The following NSMAF variants were observed in gnomAD, a reference collection of about 807,000 sequenced individuals.
NSMAF encodes the protein neutral sphingomyelinase activation associated factor.
A neutral mutation model predicts 134.9 loss-of-function variants in NSMAF; 90 were observed. The ratio of observed to expected loss-of-function variants is 0.67; its 90% CI spans 0.56 to 0.79. The LOEUF is 0.79. Among genes scored for constraint, NSMAF ranks in the 30% least tolerant of loss-of-function variants. The probability of loss-of-function intolerance (pLI) is 0.00; values close to 1 mark genes in which losing one functional copy is unlikely to be tolerated. For missense variants in NSMAF, 1,010 were observed against 1,119.0 expected, an observed-to-expected ratio of 0.90 and a Z score of 1.39; for synonymous variants, 358 against 389.6, an observed-to-expected ratio of 0.92 and a Z score of 0.96.
chr8:58,640,529 T>C (rs1807310932), intron 2 of NSMAF, among the ~76,000 whole-genome samples: 2 of 150,370 alleles, frequency 1.3e-5, no homozygotes, highest in Admixed American at 6.6e-5. Flanking sequence ...ACTAATAGTA[T>C]ACTAATAACA....
chr8:58,604,557 A>AAC (rs1554574192), intron 12 of NSMAF, among the ~76,000 whole-genome samples: 1 of 146,720 alleles, frequency 6.8e-6, no homozygotes, highest in Non-Finnish European at 1.5e-5. Flanking sequence ...AGATATATAT[A>AAC]ATATATATAT....
intron 6 of NSMAF, among the ~76,000 whole-genome samples, chr8:58,627,866 C>T (rs920094141): frequency 3.9e-5 from 6 of 151,960 alleles, no homozygotes; most frequent in South Asian, 2.1e-4. Flanking sequence ...ATCAAAATAC[C>T]TTTGTCAATC....
intron 6 of NSMAF, among the ~76,000 whole-genome samples, chr8:58,624,610 A>G (rs1227901561): frequency 6.6e-6 from 1 of 152,070 alleles, no homozygotes; most frequent in Non-Finnish European, 1.5e-5. Flanking sequence ...TTGGAAAAAT[A>G]TACACAATAT....
intron 9 of NSMAF, among the ~76,000 whole-genome samples, chr8:58,616,031 G>A (rs959843519): frequency 4.6e-5 from 7 of 152,066 alleles, no homozygotes; most frequent in African/African-American, 1.4e-4. Flanking sequence ...ATATCAATAC[G>A]TCTGACAATT....
In NSMAF at chr8:58,597,560, A is replaced by G. The variant is rs374183809; in HGVS notation, c.1629-10T>C. 7.4e-6 allele frequency: 12 copies of G among 1,613,616 alleles called. No homozygotes were observed. Among genetic ancestry groups the G allele is most frequent in the African/African-American group, 6.7e-5 (5 of 75,034 alleles). On this transcript the variant is annotated splice_polypyrimidine_tract_variant and intron_variant, in intron 20 of 30. Coordinates refer to ENST00000038176, the MANE Select transcript of NSMAF (RefSeq NM_003580.4). ...ATCAGGATCCTGGATGCTTTGGGAC[A>G]GAACACAAATAATGCAGTGAACCAC...
chr8:58,608,829 T>C (rs1806463156), intron 10 of NSMAF, among the ~76,000 whole-genome samples: 1 of 152,196 alleles, frequency 6.6e-6, no homozygotes, highest in South Asian at 2.1e-4. Context: ...ATGACCAGCC[T>C]GGAGAATTTC....
chr8:58,625,887 CAT>C (rs1806917693), intron 6 of NSMAF, among the ~76,000 whole-genome samples: 1 of 151,982 alleles, frequency 6.6e-6, no homozygotes, highest in Non-Finnish European at 1.5e-5. Context: ...TTTATCATGA[CAT>C]AGTTTGATTT....
In NSMAF at chr8:58,602,113, C is replaced by T. The variant is rs1412569679; in HGVS notation, c.1070G>A (p.Arg357Gln). The change falls in exon 14 of 31, where the codon CGG (arginine) becomes CAG (glutamine). Residue 357 changes from arginine to glutamine, a missense_variant. Transcript: ENST00000038176. ...GGCCCCTACTGGCTTACTGAGATCCCGGAAGGTTCCTGGATTTGACAAATC... is the reference window on the plus strand; with the variant it reads ...GGCCCCTACTGGCTTACTGAGATCCTGGAAGGTTCCTGGATTTGACAAATC... Reference protein sequence around the residue: ...ELDLSNPGTFRDLSKPVGALN... With the variant: ...ELDLSNPGTFQDLSKPVGALN... 1.2e-5 allele frequency: 20 copies of T among 1,613,182 alleles called. No individual in the cohort carries two copies. The highest frequency in any genetic ancestry group is 1.6e-4 in the Middle Eastern group (1 of 6,084).
At chr8:58,644,950 G>A (rs376018961) in intron 1 of NSMAF, among the ~76,000 whole-genome samples, 13 of 152,086 alleles carry the variant, frequency 8.5e-5, no homozygotes, top group African/African-American at 1.9e-4. Flanking sequence ...CATCACACAC[G>A]GGGACCTGTT....
Position 58,601,321 on chromosome 8 carries a change from T to C in NSMAF, c.1244A>G (p.Asn415Ser). 1 of 1,614,018 alleles carries C rather than the reference T, an allele frequency of 6.2e-7. No individual in the cohort carries two copies. The highest frequency in any genetic ancestry group is 8.5e-7 in the Non-Finnish European group (1 of 1,179,948). Residue 415 changes from asparagine to serine, a missense_variant, in exon 16 of 31, where the codon AAT becomes AGT. By Grantham distance (46) the Asn-to-Ser change is conservative. Transcript: ENST00000038176. ...TCTATCTGCATTATCAAATCTTCCATTCTGCAGGCACAGCATATACTCTGG... is the reference window on the plus strand; with the variant it reads ...TCTATCTGCATTATCAAATCTTCCACTCTGCAGGCACAGCATATACTCTGG... ...IAPEYMLCLQ[N>S]GRFDNADRMF...
chr8:58,644,280 T>C (rs976174982), intron 1 of NSMAF, among the ~76,000 whole-genome samples: 31 of 152,146 alleles, frequency 2.0e-4, no homozygotes, highest in African/African-American at 7.5e-4. Flanking sequence ...ACCCACAGGC[T>C]AAAGCAAATT....
intron 6 of NSMAF, among the ~76,000 whole-genome samples, chr8:58,627,234 T>C (rs1054673538): frequency 5.9e-5 from 9 of 152,224 alleles, no homozygotes; most frequent in Non-Finnish European, 1.3e-4. Flanking sequence ...TTTATTTATT[T>C]TTGTTTTTGT....
rs147275100 is a variant in NSMAF, at chr8:58,623,569, T to G, written c.456+140A>C. The stretch of plus-strand genomic sequence containing the variant: ...CTATGGCTTCTTCCTAATATATAGT[T>G]TTTAAACTCAACATTTTAAGTCAAT... On this transcript the variant is annotated intron_variant, in intron 7 of 30. Transcript: ENST00000038176. 113 of 1,072,696 alleles carry G rather than the reference T, an allele frequency of 1.1e-4. No homozygotes were observed. In the African/African-American group the frequency reaches 1.6e-3, roughly 15 times the overall value. 66.4% of individuals were successfully genotyped at this position (1,072,696 alleles called of 1,614,324 possible).
intron 9 of NSMAF, among the ~76,000 whole-genome samples, chr8:58,612,640 AGG>A (rs564282122): frequency 6.6e-6 from 1 of 152,156 alleles, no homozygotes; most frequent in South Asian, 2.1e-4. Context: ...ATCGGAGGTG[AGG>A]GGGGCAGCCT....
intron 6 of NSMAF, among the ~76,000 whole-genome samples, chr8:58,624,141 A>C (rs1806860054): frequency 6.8e-6 from 1 of 146,340 alleles, no homozygotes; most frequent in South Asian, 2.1e-4. Context: ...TCCTGGGTTC[A>C]AGTGATTCTC....
chr8:58,627,637 C>T (rs1806965415), intron 6 of NSMAF, among the ~76,000 whole-genome samples: 1 of 152,088 alleles, frequency 6.6e-6, no homozygotes, highest in African/African-American at 2.4e-5. Flanking sequence ...AAATAAAATA[C>T]TTATGGTTAT....
intron 11 of NSMAF, 32 bp downstream of exon 11, chr8:58,607,737 T>C: frequency 6.4e-7 from 1 of 1,562,736 alleles, no homozygotes; most frequent in South Asian, 1.1e-5. Context: ...AGTGTGACAA[T>C]CATGCCCCAG....
intron 5 of NSMAF, 77 bp downstream of exon 5, chr8:58,635,112 T>C (rs1807139294): frequency 3.7e-6 from 4 of 1,080,774 alleles, no homozygotes; most frequent in Non-Finnish European, 5.6e-6. Context: ...ATCTGATATC[T>C]CTACAAGTAA....
At chr8:58,610,745 G>A (rs879474121) in intron 9 of NSMAF, among the ~76,000 whole-genome samples, 16 of 152,206 alleles carry the variant, frequency 1.1e-4, no homozygotes, top group Admixed American at 2.6e-4. Flanking sequence ...GCTCCCCAGA[G>A]ATCCAAAAAT....
Sources: gnomAD v4.1 joint callset for allele counts (sites outside exome capture counted in the v4.1 genomes callset) on GRCh38, gnomAD v4.1.1 for gene constraint, MANE v1.5 for transcripts, NCBI Gene and HGNC (gene_info 2026-07-23, HGNC 2026-07-21) for gene names.